Variants in BTD observed in about 807,000 individuals in gnomAD.
The protein encoded by BTD is biotinidase, also known as biocytinase.
In BTD, 13 loss-of-function variants were observed where a neutral mutation model predicts 17.7. The ratio of observed to expected loss-of-function variants is 0.74; its 90% CI spans 0.48 to 1.17. The LOEUF (loss-of-function observed/expected upper bound fraction) is 1.17, where lower values mean the gene tolerates loss of function less well. BTD is among the 50% of genes most tolerant of loss of function. BTD has a pLI of 0.00. For synonymous variants in BTD, 240 were observed against 245.2 expected (o/e 0.98, Z 0.20); for missense variants, 674 against 650.4 (o/e 1.04, Z -0.39).
At chr3:15,706,029 A>G (rs1045529423) in intron 3 of BTD, among the ~76,000 whole-genome samples, 2 of 132,422 alleles carry the variant, frequency 1.5e-5, no homozygotes, top group Non-Finnish European at 3.2e-5. Flanking sequence ...AAACAACAAA[A>G]AAACCCACAA....
chr3:15,707,820 A>T, intron 3 of BTD: 1 of 1,388,434 alleles, frequency 7.2e-7, no homozygotes, highest in Non-Finnish European at 9.7e-7. Context: ...GATAATCAAC[A>T]AAAAATACAA....
Position 15,635,725 on chromosome 3 carries a change from C to A in BTD, c.249+37C>A. On this transcript the variant is annotated intron_variant, in intron 2 of 3. Transcript: ENST00000643237. The surrounding 1 kb of genome is among the most constrained non-coding windows in gnomAD (Gnocchi z 4.1). ...CCTCGGAACCTGAGTTTCTCTCATA[C>A]AGAGCAGATTGCTCTTTACCCCTTG... is the stretch of plus-strand genomic sequence containing the variant. 1 of 1,613,376 alleles carries A rather than the reference C, an allele frequency of 6.2e-7. No individual in the cohort carries two copies. The highest frequency in any genetic ancestry group is 2.2e-5 in the East Asian group (1 of 44,892).
chr3:15,713,674 C>T, downstream of BTD: 9 of 1,428,862 alleles, frequency 6.3e-6, no homozygotes, highest in Non-Finnish European at 7.7e-6. Context: ...AGACACTGGA[C>T]CATATAAAGA....
chr3:15,689,945 A>G (rs2068594879), intron 3 of BTD: 1 of 1,334,594 alleles, frequency 7.5e-7, no homozygotes, highest in Non-Finnish European at 1.0e-6. Flanking sequence ...TTAACTGGAA[A>G]TATTATATAT....
rs572436631 is a variant in BTD, at chr3:15,601,917, C to G, written c.-17+23C>G. 1.3e-5 allele frequency: 21 copies of G among 1,612,820 alleles called. No individual in the cohort carries two copies. In the African/African-American group the frequency reaches 1.6e-4, roughly 12 times the overall value. On this transcript the variant is annotated intron_variant, in intron 1 of 3. Transcript: ENST00000643237. The stretch of plus-strand genomic sequence containing the variant: ...CAGGTACGGAGGGGGCGTGGTGCGG[C>G]GCGGAGGGGGTGTGGTAAGGGCGTG...
intron 3 of BTD, among the ~76,000 whole-genome samples, chr3:15,703,708 C>T (rs1039737759): frequency 3.3e-5 from 5 of 151,982 alleles, no homozygotes; most frequent in Admixed American, 6.6e-5. Context: ...ATTGTTATTG[C>T]GAAGTTACGA....
At chr3:15,633,082 TC>T (rs1434819933) in intron 1 of BTD, among the ~76,000 whole-genome samples, 1 of 152,210 alleles carries the variant, frequency 6.6e-6, no homozygotes, top group Non-Finnish European at 1.5e-5. Context: ...ACACTTTAAA[TC>T]ATCTCTAGAT....
intron 3 of BTD, among the ~76,000 whole-genome samples, chr3:15,664,612 AGCT>A (rs2125544111): frequency 6.6e-6 from 1 of 152,312 alleles, no homozygotes; most frequent in East Asian, 1.9e-4. Context: ...CTTATGAAGC[AGCT>A]AGTTTTCGGA....
At chr3:15,663,224 C>T (rs2065943469) in intron 3 of BTD, among the ~76,000 whole-genome samples, 1 of 152,142 alleles carries the variant, frequency 6.6e-6, no homozygotes, top group East Asian at 1.9e-4. Flanking sequence ...GAACTCCTCA[C>T]CTCAGGTGAT....
rs1354362266 is a variant in BTD at position 15,645,378 on chromosome 3, G to T, written c.1462G>T (p.Val488Phe). ...LFLTSGMTLE[V>F]PDQLGWENDH... ...TCTGACCTCAGGGATGACCCTAGAA[G>T]TCCCTGACCAGCTTGGCTGGGAGAA... is the stretch of plus-strand genomic sequence containing the variant. Residue 488 changes from valine (V) to phenylalanine (F), a missense_variant, in exon 4 of 4, where the codon GTC becomes TTC. Val to Phe is a conservative substitution (Grantham distance 50, BLOSUM62 -1). Transcript: ENST00000643237. 1 of 1,614,186 alleles carries T rather than the reference G, an allele frequency of 6.2e-7. No homozygotes were observed. The highest frequency in any genetic ancestry group is 1.1e-5 in the South Asian group (1 of 91,084).
At chr3:15,694,767 CTAT>C (rs2069294100) in intron 3 of BTD, 3 of 1,613,484 alleles carry the variant, frequency 1.9e-6, no homozygotes, top group Non-Finnish European at 2.5e-6. Flanking sequence ...TATTGTTGCT[CTAT>C]TATCTGAATC....
Position 15,680,768 on chromosome 3 carries a change from TGATC to T in BTD, c.400-29291_400-29288del, listed in dbSNP as rs1354443520. Among the ~76,000 whole-genome samples, 1,049 of 152,192 alleles carry T rather than the reference TGATC, an allele frequency of 6.9e-3. 13 individuals carry two copies. Among genetic ancestry groups the T allele is most frequent in the African/African-American group, 0.024 (1,003 of 41,516 alleles). ...GCAGTCTCAACCTCCTGGGCTCAAG[TGATC>T]CTCCCACCTCAGCCTCCTGAGTTGC... On this transcript the variant is annotated intron_variant, in intron 3 of 3. Transcript: ENST00000672141.
At chr3:15,685,954 A>G in intron 3 of BTD, 2 of 1,418,962 alleles carry the variant, frequency 1.4e-6, no homozygotes, top group Non-Finnish European at 2.0e-6. Context: ...TCTAGGTAAT[A>G]TGAGGTCATA....
In BTD at chr3:15,686,183, C is replaced by T. The variant is rs373575856; in HGVS notation, c.400-23877C>T. ...AGACTGTACTCTGGTTTTCGAAATA[C>T]GCCCTTCTGTGATGCAACAATTATT... On this transcript the variant is annotated intron_variant, in intron 3 of 3. Coordinates refer to the BTD transcript ENST00000672141. 1,352 of 1,590,432 alleles carry T rather than the reference C, an allele frequency of 8.5e-4. 20 individuals are homozygous for T. In the South Asian group the frequency reaches 0.014, roughly 17 times the overall value.
In BTD at chr3:15,651,748, G is replaced by A. The variant is rs571893176; in HGVS notation, c.*6260G>A. Reference sequence around the variant, plus strand: ...GTTGGGGAGGTCACAGAACAGAATGGAGAGGGGTAGAGTATGCAGGGAAGA... The same window carrying A: ...GTTGGGGAGGTCACAGAACAGAATGAAGAGGGGTAGAGTATGCAGGGAAGA... On this transcript the variant is annotated 3_prime_UTR_variant, in exon 4 of 4. Transcript: ENST00000643237. 6.6e-6 allele frequency among the ~76,000 whole-genome samples: 1 copy of A among 152,356 alleles called. No homozygotes were observed. The highest frequency in any genetic ancestry group is 1.5e-5 in the Non-Finnish European group (1 of 68,036).
At chr3:15,697,878 G>C (rs2069895220) in intron 3 of BTD, among the ~76,000 whole-genome samples, 1 of 152,038 alleles carries the variant, frequency 6.6e-6, no homozygotes, top group Non-Finnish European at 1.5e-5. Context: ...TTATTTGTTT[G>C]GTAGGCTATT....
upstream of BTD, chr3:15,601,583 G>T: frequency 6.3e-7 from 1 of 1,589,056 alleles, no homozygotes; most frequent in Non-Finnish European, 8.5e-7. Context: ...GGACAGGAGG[G>T]CAACCAACTG....
chr3:15,621,630 G>A (rs1227605360), intron 1 of BTD, among the ~76,000 whole-genome samples: 2 of 150,740 alleles, frequency 1.3e-5, no homozygotes, highest in African/African-American at 2.4e-5. Flanking sequence ...ATGGAGTTTC[G>A]CTCTTGTTGC....
chr3:15,679,632 A>C, intron 3 of BTD: 1 of 1,205,190 alleles, frequency 8.3e-7, no homozygotes, highest in Non-Finnish European at 1.2e-6. Flanking sequence ...AGGTACATGT[A>C]AGTGTTTAAA....
Sources: gnomAD v4.1 joint callset for allele counts (sites outside exome capture counted in the v4.1 genomes callset) on GRCh38, gnomAD v4.1.1 for gene constraint, Gnocchi (gnomAD v3.1) non-coding constraint, MANE v1.5 for transcripts, NCBI Gene and HGNC (gene_info 2026-07-23, HGNC 2026-07-21) for gene names.